Variants in IQSEC1 observed in about 807,000 individuals in gnomAD.
IQSEC1 encodes IQ motif and Sec7 domain ArfGEF 1.
In IQSEC1, 31 loss-of-function variants were observed where a neutral mutation model predicts 91.0. That is an observed-to-expected ratio of 0.34 (90% confidence interval 0.26 to 0.46). The LOEUF is 0.46. IQSEC1 is among the 20% of genes least tolerant of loss of function. The pLI is 1.00. For missense variants in IQSEC1, 1,388 were observed against 1,575.6 expected, an observed-to-expected ratio of 0.88 and a Z score of 2.02; for synonymous variants, 699 against 662.6, an observed-to-expected ratio of 1.05 and a Z score of -0.84.
At chr3:13,011,706 G>A (rs994159277) in intron 1 of IQSEC1, among the ~76,000 whole-genome samples, 1 of 152,248 alleles carries the variant, frequency 6.6e-6, no homozygotes, top group Admixed American at 6.5e-5. Context: ...GGGGGCCTCT[G>A]GCGTCACATT....
intron 1 of IQSEC1, among the ~76,000 whole-genome samples, chr3:13,271,443 C>A (rs897611247): frequency 1.3e-5 from 2 of 151,986 alleles, no homozygotes; most frequent in African/African-American, 4.8e-5. Flanking sequence ...CAACAGAACC[C>A]CAAAATACAT....
chr3:13,235,821 T>C (rs1054099339), intron 1 of IQSEC1, among the ~76,000 whole-genome samples: 2 of 152,172 alleles, frequency 1.3e-5, no homozygotes, highest in Non-Finnish European at 2.9e-5. Context: ...AACCAATGCA[T>C]GTCCTTGCTA....
At position 12,935,681 on chromosome 3, in the gene IQSEC1, G is replaced by C. The variant is rs1385082698; in HGVS notation, c.1335C>G (p.Ser445Arg). The C allele has an allele frequency of 2.5e-6, 4 of 1,613,806 alleles. No individual in the cohort carries two copies. The highest frequency in any genetic ancestry group is 3.4e-6 in the Non-Finnish European group (4 of 1,180,022). Residue 445 changes from serine to arginine, a missense_variant, in exon 3 of 14, where the codon AGC (serine) becomes AGG (arginine). Transcript: ENST00000613206. The surrounding 1 kb of genome is among the most constrained non-coding windows in gnomAD (Gnocchi z 8.0). ...CGTCTGAGTAGTCCGACTCAGACTTGCTCTGCCGGTTGGCTGAGCCATTGA... is the reference window on the plus strand; with the variant it reads ...CGTCTGAGTAGTCCGACTCAGACTTCCTCTGCCGGTTGGCTGAGCCATTGA... ...LAINGSANRQ[S>R]KSESDYSDGD...
chr3:13,162,142 G>C (rs1707190713), intron 2 of IQSEC1, among the ~76,000 whole-genome samples: 1 of 152,240 alleles, frequency 6.6e-6, no homozygotes, highest in Non-Finnish European at 1.5e-5. Context: ...CCCCCGCTCA[G>C]GTCACCAGTG....
At chr3:13,106,032 A>C (rs1023258355) in intron 2 of IQSEC1, among the ~76,000 whole-genome samples, 1 of 152,172 alleles carries the variant, frequency 6.6e-6, no homozygotes, top group Non-Finnish European at 1.5e-5. Context: ...GAGGAGCGCT[A>C]TGATGGAGGT....
At chr3:13,155,986 A>G (rs1008590181) in intron 2 of IQSEC1, among the ~76,000 whole-genome samples, 2 of 152,050 alleles carry the variant, frequency 1.3e-5, no homozygotes, top group African/African-American at 4.8e-5. Context: ...TGGGAGGCCA[A>G]TGCGGGTGGA....
At chr3:12,929,106 C>T (rs1697417952) in intron 3 of IQSEC1, among the ~76,000 whole-genome samples, 1 of 152,196 alleles carries the variant, frequency 6.6e-6, no homozygotes, top group African/African-American at 2.4e-5. Context: ...GAGTCAGAAG[C>T]CCACACTTCC....
intron 1 of IQSEC1, among the ~76,000 whole-genome samples, chr3:13,028,533 G>A (rs1295687939): frequency 1.3e-5 from 2 of 152,224 alleles, no homozygotes; most frequent in Non-Finnish European, 2.9e-5. Flanking sequence ...GACCCCAACC[G>A]GGGTCAGGGC....
intron 1 of IQSEC1, among the ~76,000 whole-genome samples, chr3:13,174,011 G>A (rs551647893): frequency 6.6e-6 from 1 of 152,300 alleles, no homozygotes; most frequent in East Asian, 1.9e-4. Flanking sequence ...TCCTAGGAGA[G>A]GCGGCCAAGA....
intron 2 of IQSEC1, among the ~76,000 whole-genome samples, chr3:13,119,473 G>A (rs150333187): frequency 2.6e-5 from 4 of 152,380 alleles, no homozygotes; most frequent in African/African-American, 4.8e-5. Context: ...ACCTGATACC[G>A]TCTGCATGCT....
In IQSEC1 at chr3:12,908,960, T is replaced by C. The variant is rs1430800718; in HGVS notation, c.2578+313A>G. On this transcript the variant is annotated intron_variant, in intron 11 of 13. Coordinates refer to ENST00000613206, the MANE Select transcript of IQSEC1 (RefSeq NM_001134382.3). This position sits in a 1 kb window ranked among gnomAD's most constrained non-coding sequence, Gnocchi z 4.9. ...TGACCCATCAGTCGGTTGAGCCTGA[T>C]GCAGAAGATGACGAGGTGCAGAGAG... 6.6e-6 allele frequency among the ~76,000 whole-genome samples: 1 copy of C among 152,142 alleles called. No individual in the cohort carries two copies. Among genetic ancestry groups the C allele is most frequent in the Non-Finnish European group, 1.5e-5 (1 of 68,018 alleles).
chr3:13,114,620 T>G (rs1576256638), intron 2 of IQSEC1, among the ~76,000 whole-genome samples: 1 of 151,914 alleles, frequency 6.6e-6, no homozygotes. Context: ...GGTGAAACCC[T>G]GTCTCTACTA....
chr3:13,014,862 C>T (rs1321905508), intron 1 of IQSEC1, among the ~76,000 whole-genome samples: 4 of 152,176 alleles, frequency 2.6e-5, no homozygotes, highest in Admixed American at 1.3e-4. Context: ...CAGAAAGATA[C>T]TGAACTTGTC....
intron 1 of IQSEC1, among the ~76,000 whole-genome samples, chr3:13,240,736 G>A (rs972948887): frequency 2.2e-4 from 33 of 152,198 alleles, no homozygotes; most frequent in Non-Finnish European, 1.2e-4. Context: ...GCTCACAGCT[G>A]AATTGAACGA....
At chr3:12,912,662 C>T (rs1470140774) in intron 9 of IQSEC1, among the ~76,000 whole-genome samples, 2 of 124,114 alleles carry the variant, frequency 1.6e-5, no homozygotes, top group East Asian at 4.9e-4. Flanking sequence ...CAGAGCGAGA[C>T]TCCGTCTCAA....
chr3:13,265,512 C>A (rs1438243311), intron 1 of IQSEC1, among the ~76,000 whole-genome samples: 1 of 152,236 alleles, frequency 6.6e-6, no homozygotes, highest in African/African-American at 2.4e-5. Flanking sequence ...AAACCAAATA[C>A]ACGAACACAG....
At chr3:13,270,510 C>A (rs1196002218) in intron 1 of IQSEC1, among the ~76,000 whole-genome samples, 1 of 152,224 alleles carries the variant, frequency 6.6e-6, no homozygotes, top group Non-Finnish European at 1.5e-5. Context: ...TCTCTGGGGC[C>A]TGCCACTTTC....
chr3:13,175,203 G>A (rs1274908249), intron 1 of IQSEC1, among the ~76,000 whole-genome samples: 4 of 152,152 alleles, frequency 2.6e-5, no homozygotes, highest in South Asian at 2.1e-4. Context: ...GCTGTGTGCC[G>A]AGTACCAGCT....
chr3:13,083,019 G>A (rs1261442060), intron 2 of IQSEC1, among the ~76,000 whole-genome samples: 1 of 152,148 alleles, frequency 6.6e-6, no homozygotes, highest in South Asian at 2.1e-4. Flanking sequence ...CACAGTCGTC[G>A]ACCTGAGAAG....
Sources: gnomAD v4.1 joint callset for allele counts (sites outside exome capture counted in the v4.1 genomes callset) on GRCh38, gnomAD v4.1.1 for gene constraint, Gnocchi (gnomAD v3.1) non-coding constraint, MANE v1.5 for transcripts, NCBI Gene and HGNC (gene_info 2026-07-23, HGNC 2026-07-21) for gene names.